HERC3: variants seen among roughly 807,000 people sequenced by gnomAD.
HERC3 encodes the protein probable E3 ubiquitin-protein ligase HERC3.
Under a neutral mutation model 129.9 loss-of-function variants are expected in HERC3, and 58 were observed. The ratio of observed to expected loss-of-function variants is 0.45; its 90% CI spans 0.36 to 0.56. HERC3 has a LOEUF of 0.56. Ranked by LOEUF, HERC3 falls within the 20% of genes least tolerant of loss-of-function variation. The pLI, the probability that HERC3 is intolerant of heterozygous loss-of-function variation, is 0.00. For synonymous variants in HERC3, 430 were observed against 451.0 expected, an observed-to-expected ratio of 0.95 and a Z score of 0.59; for missense variants, 835 against 1,244.2, an observed-to-expected ratio of 0.67 and a Z score of 4.95.
At chr4:88,652,165 TCTAA>T in intron 5 of HERC3, 77 bp downstream of exon 5, 2 of 1,142,290 alleles carry the variant, frequency 1.8e-6, no homozygotes, top group Non-Finnish European at 2.6e-6. Flanking sequence ...TGTGATATTA[TCTAA>T]CTGAAAACTT....
At chr4:88,586,363 T>C in the HERC3 span, among the ~76,000 whole-genome samples, 7 of 148,214 alleles carry the variant, frequency 4.7e-5, no homozygotes. Flanking sequence ...TTTTCTTTCT[T>C]TTTTTTTTTT....
the HERC3 span, among the ~76,000 whole-genome samples, chr4:88,542,283 A>G: frequency 6.6e-6 from 1 of 152,216 alleles, no homozygotes; most frequent in African/African-American, 2.4e-5. Context: ...CCACAGAAAT[A>G]CAAACTACCA....
At chr4:88,681,443 CCT>C in intron 21 of HERC3, 118 bp downstream of exon 21, 1 of 824,656 alleles carries the variant, frequency 1.2e-6, no homozygotes, top group East Asian at 2.6e-5. Flanking sequence ...GTGGTTAGAC[CCT>C]GTTATGTGTG....
chr4:88,605,729 A>G lies in HERC3; in HGVS notation c.-29-66A>G, dbSNP rs531925528. On this transcript the variant is annotated intron_variant, in intron 2 of 25. Transcript: ENST00000402738. ...GTTATTTTTAAAATTGGTTACATTC[A>G]TTACTTGATTTTCTATGACCTATTT... The G allele has an allele frequency of 6.7e-6, 6 of 897,638 alleles. No individual in the cohort carries two copies. In the South Asian group the frequency reaches 8.9e-5, roughly 13 times the overall value. 55.6% of individuals were successfully genotyped at this position (897,638 alleles called of 1,614,324 possible). A position where few individuals can be genotyped will look rare whatever the true frequency, so the allele number is the denominator to read the frequency against.
chr4:88,708,051 T>G lies in HERC3; in HGVS notation c.*1091T>G, dbSNP rs1364983050. 6.6e-6 allele frequency: 1 copy of G among 152,574 alleles called. No homozygotes were observed. Among genetic ancestry groups the G allele is most frequent in the Non-Finnish European group, 1.5e-5 (1 of 68,032 alleles). The allele number at this position is 152,574 out of a possible 1,614,324, so 9.5% of individuals were successfully genotyped here. On this transcript the variant is annotated 3_prime_UTR_variant, in exon 26 of 26. Transcript: ENST00000402738. ...TTCAATTTTTATTTAAATTGCAAAA[T>G]TTTTACTCAGATTTTTTTTCCTCTT...
intron 23 of HERC3, chr4:88,693,777 A>G: frequency 1.6e-6 from 1 of 641,450 alleles, no homozygotes; most frequent in Non-Finnish European, 1.9e-6. Context: ...TCTGCGTAAT[A>G]CTCAGAGAGT....
intron 23 of HERC3, 47 bp downstream of exon 23, chr4:88,687,346 C>A (rs764627496): frequency 7.8e-7 from 1 of 1,284,250 alleles, no homozygotes; most frequent in Non-Finnish European, 1.1e-6. Context: ...CTTCATATTT[C>A]TGCAGTTTTA....
In HERC3 at chr4:88,623,634, G is replaced by A. The variant is rs148023243; in HGVS notation, c.226+17585G>A. Among the ~76,000 whole-genome samples, 47 of 152,248 alleles carry A rather than the reference G, an allele frequency of 3.1e-4. No homozygotes were observed. In the East Asian group the frequency reaches 4.2e-3, roughly 14 times the overall value. ...CTTTTATTACACTATTGTGATAAAC[G>A]TTGACCATCAGTACGTATGTCTTGT... On this transcript the variant is annotated intron_variant, in intron 3 of 25. Coordinates refer to ENST00000402738, the MANE Select transcript of HERC3 (RefSeq NM_014606.3).
intron 3 of HERC3, among the ~76,000 whole-genome samples, chr4:88,622,456 T>G (rs1181828673): frequency 6.6e-6 from 1 of 150,626 alleles, no homozygotes; most frequent in Non-Finnish European, 1.5e-5. Context: ...TTTTACACAA[T>G]TTTTTGTGTG....
the HERC3 span, among the ~76,000 whole-genome samples, chr4:88,534,541 C>T: frequency 6.6e-5 from 10 of 151,820 alleles, no homozygotes; most frequent in Admixed American, 6.6e-4. Flanking sequence ...TTAGTCAGTT[C>T]CTGTGACTAA....
At position 88,630,886 on chromosome 4, in the gene HERC3, T is replaced by A. The variant is rs746698523; in HGVS notation, c.227-18954T>A. 2.6e-5 allele frequency among the ~76,000 whole-genome samples: 4 copies of A among 152,316 alleles called. No individual in the cohort carries two copies. The East Asian group carries it at 7.7e-4, about 29-fold the overall frequency. ...GCAATTCTGAGTTCCTGAAAATAAC[T>A]GAGTCATTGCAGCTGATCTTATTCT... On this transcript the variant is annotated intron_variant, in intron 3 of 25. Transcript: ENST00000402738.
intron 12 of HERC3, among the ~76,000 whole-genome samples, chr4:88,665,813 A>C (rs1730985894): frequency 2.0e-5 from 3 of 152,204 alleles, no homozygotes; most frequent in Admixed American, 2.0e-4. Context: ...GGATGAGCTC[A>C]CACAATTCAT....
At chr4:88,531,148 A>G in the HERC3 span, among the ~76,000 whole-genome samples, 1 of 152,070 alleles carries the variant, frequency 6.6e-6, no homozygotes, top group African/African-American at 2.4e-5. Context: ...GTGACCCACC[A>G]TGCCTGGCAG....
intron 3 of HERC3, among the ~76,000 whole-genome samples, chr4:88,619,398 A>G (rs1725267517): frequency 6.6e-6 from 1 of 152,216 alleles, no homozygotes; most frequent in African/African-American, 2.4e-5. Context: ...TGCTTTACTT[A>G]ATAAATGGTG....
chr4:88,577,606 T>C, the HERC3 span, among the ~76,000 whole-genome samples: 1 of 132,442 alleles, frequency 7.6e-6, no homozygotes, highest in South Asian at 3.1e-4. Context: ...TATGTGTGTG[T>C]ATATATATAT....
intron 19 of HERC3, among the ~76,000 whole-genome samples, chr4:88,679,616 T>C (rs988021012): frequency 6.6e-6 from 1 of 151,376 alleles, no homozygotes; most frequent in African/African-American, 2.4e-5. Context: ...GCCTCCCACA[T>C]TCAAGCGACA....
At chr4:88,540,857 G>A in the HERC3 span, among the ~76,000 whole-genome samples, 1 of 152,112 alleles carries the variant, frequency 6.6e-6, no homozygotes, top group Non-Finnish European at 1.5e-5. Context: ...CATAAGTGAA[G>A]GAGAAATAAA....
At chr4:88,605,728 C>G in intron 2 of HERC3, 67 bp from the exon 3 acceptor site, 1 of 879,720 alleles carries the variant, frequency 1.1e-6, no homozygotes, top group East Asian at 2.7e-5. Flanking sequence ...TGGTTACATT[C>G]ATTACTTGAT....
chr4:88,665,707 G>A (rs1055713724), intron 12 of HERC3, among the ~76,000 whole-genome samples: 2 of 152,074 alleles, frequency 1.3e-5, no homozygotes, highest in African/African-American at 4.8e-5. Flanking sequence ...CCCCACAAAT[G>A]AGTCCCTAAC....
Sources: gnomAD v4.1 joint callset for allele counts (sites outside exome capture counted in the v4.1 genomes callset) on GRCh38, gnomAD v4.1.1 for gene constraint, MANE v1.5 for transcripts, NCBI Gene and HGNC (gene_info 2026-07-23, HGNC 2026-07-21) for gene names.